The following LIMA1 variants were observed in gnomAD, a reference collection of about 807,000 sequenced individuals.
The protein encoded by LIMA1 is LIM domain and actin-binding protein 1.
LIMA1 carries 52 observed loss-of-function variants against 62.6 expected under a neutral mutation model. The observed-to-expected ratio is 0.83, with a 90% confidence interval of 0.67 to 1.05. LIMA1 has a LOEUF of 1.05. Ranked by LOEUF, LIMA1 falls within the 50% of genes least tolerant of loss-of-function variation. The pLI, the probability that LIMA1 is intolerant of heterozygous loss-of-function variation, is 0.00. For synonymous variants in LIMA1, 302 were observed against 317.8 expected (o/e 0.95, Z 0.53); for missense variants, 780 against 902.2 (o/e 0.86, Z 1.74).
At chr12:50,211,930 G>A (rs1941264781) in intron 4 of LIMA1, among the ~76,000 whole-genome samples, 1 of 151,702 alleles carries the variant, frequency 6.6e-6, no homozygotes, top group Non-Finnish European at 1.5e-5. Flanking sequence ...GAATAGACAA[G>A]ATACTTTTAA....
At chr12:50,265,010 G>A (rs143076770) in intron 1 of LIMA1, among the ~76,000 whole-genome samples, 2,109 of 152,000 alleles carry the variant, frequency 0.014, 45 homozygotes, top group African/African-American at 0.049. Context: ...ATAATTAGCC[G>A]GGTGTGGTGG....
chr12:50,218,442 A>G (rs1211216609), intron 4 of LIMA1: 1 of 152,250 alleles, frequency 6.6e-6, no homozygotes, highest in Non-Finnish European at 1.5e-5. Flanking sequence ...ACATTCTGCA[A>G]GACAGTTCAA....
In LIMA1 at chr12:50,177,183, T is replaced by C. The variant is rs771306940; in HGVS notation, c.2161A>G (p.Thr721Ala). Residue 721 changes from threonine to alanine, a missense_variant, in exon 11 of 11, where the codon ACT (threonine) becomes GCT (alanine). Physicochemically the swap from Thr to Ala is moderately conservative, Grantham distance 58. Transcript: ENST00000341247. ...ACATCCTGGGATTTCTGATTCTGAG[T>C]AGTGAATTCTTCAGCAAAGGTGTTG... ...VDNTFAEEFT[T>A]QNQKSQDVEL... 5 of 1,613,982 alleles carry C rather than the reference T, an allele frequency of 3.1e-6. No individual in the cohort carries two copies. The East Asian group carries it at 6.7e-5, about 22-fold the overall frequency.
At chr12:50,266,797 G>T (rs1187839353) in intron 1 of LIMA1, among the ~76,000 whole-genome samples, 2 of 152,130 alleles carry the variant, frequency 1.3e-5, no homozygotes, top group Non-Finnish European at 2.9e-5. Context: ...CAATCTGATA[G>T]ATGTGTGAAA....
intron 1 of LIMA1, among the ~76,000 whole-genome samples, chr12:50,272,470 T>C (rs1357119130): frequency 6.6e-6 from 1 of 151,348 alleles, no homozygotes; most frequent in African/African-American, 2.4e-5. Context: ...TGCATGCCTG[T>C]AATTCCAGCT....
intron 9 of LIMA1, among the ~76,000 whole-genome samples, chr12:50,185,081 TG>T (rs935225826): frequency 2.0e-5 from 3 of 152,164 alleles, no homozygotes; most frequent in Admixed American, 2.0e-4. Flanking sequence ...CTGCCCACCT[TG>T]GCCTCCCAAA....
intron 2 of LIMA1, among the ~76,000 whole-genome samples, chr12:50,235,603 T>C (rs755963536): frequency 1.3e-5 from 2 of 152,066 alleles, no homozygotes; most frequent in Non-Finnish European, 2.9e-5. Flanking sequence ...AATCAGATAT[T>C]AACAAGCATC....
At chr12:50,210,161 A>C (rs1001145175) in intron 4 of LIMA1, among the ~76,000 whole-genome samples, 5 of 152,048 alleles carry the variant, frequency 3.3e-5, no homozygotes, top group African/African-American at 1.2e-4. Flanking sequence ...AGTGGCTCAC[A>C]CCTGTAATCC....
At chr12:50,230,345 C>A (rs185401440) in intron 3 of LIMA1, among the ~76,000 whole-genome samples, 1 of 151,592 alleles carries the variant, frequency 6.6e-6, no homozygotes, top group South Asian at 2.1e-4. Context: ...CATACTGACA[C>A]AATTTCTTTA....
At chr12:50,276,025 G>A (rs1045027632) in intron 1 of LIMA1, among the ~76,000 whole-genome samples, 9 of 151,978 alleles carry the variant, frequency 5.9e-5, no homozygotes, top group African/African-American at 1.9e-4. Flanking sequence ...ACCACTGCCA[G>A]GTAATTCTAA....
chr12:50,277,338 G>A (rs1267276239), intron 1 of LIMA1, among the ~76,000 whole-genome samples: 3 of 151,614 alleles, frequency 2.0e-5, no homozygotes, highest in African/African-American at 7.3e-5. Flanking sequence ...GGCTCCCCTT[G>A]CTACTCCGGT....
At chr12:50,268,775 A>G (rs1303640209) in intron 1 of LIMA1, among the ~76,000 whole-genome samples, 1 of 152,130 alleles carries the variant, frequency 6.6e-6, no homozygotes, top group African/African-American at 2.4e-5. Context: ...CAGAGGAAGA[A>G]ACTAAGGCTC....
rs78941372 is a variant in LIMA1 at position 50,233,098 on chromosome 12, C to T, written c.120-1388G>A. On this transcript the variant is annotated intron_variant, in intron 2 of 10. Transcript: ENST00000341247. ...CAGACCTCACTTCCTGCAGCTATTCCAGTCATCTGCTCTGATATAACAACA... is the reference window on the plus strand; with the variant it reads ...CAGACCTCACTTCCTGCAGCTATTCTAGTCATCTGCTCTGATATAACAACA... Among the ~76,000 whole-genome samples the T allele has an allele frequency of 1.8e-3, 274 of 152,310 alleles. 2 individuals carry two copies. The highest frequency in any genetic ancestry group is 6.2e-3 in the African/African-American group (256 of 41,556).
chr12:50,206,981 G>A (rs571256253), intron 4 of LIMA1, among the ~76,000 whole-genome samples: 1 of 152,084 alleles, frequency 6.6e-6, no homozygotes, highest in East Asian at 1.9e-4. Flanking sequence ...CTGGAGTATA[G>A]TGATGTGATC....
intron 2 of LIMA1, among the ~76,000 whole-genome samples, chr12:50,236,123 C>T (rs1326421342): frequency 6.6e-6 from 1 of 151,706 alleles, no homozygotes; most frequent in Non-Finnish European, 1.5e-5. Context: ...CGAGATTGCA[C>T]CACTGCACTC....
At chr12:50,193,473 T>G (rs934265646) in intron 8 of LIMA1, among the ~76,000 whole-genome samples, 11 of 138,702 alleles carry the variant, frequency 7.9e-5, no homozygotes, top group African/African-American at 3.0e-4. Context: ...TACAAGAAAT[T>G]TATATATATA....
chr12:50,276,852 TGA>T (rs972714889), intron 1 of LIMA1, among the ~76,000 whole-genome samples: 40 of 151,348 alleles, frequency 2.6e-4, no homozygotes, highest in African/African-American at 7.5e-4. Context: ...CCTGGGTGAC[TGA>T]GTGACACACT....
intron 6 of LIMA1, among the ~76,000 whole-genome samples, chr12:50,202,699 C>T (rs1271973825): frequency 1.3e-5 from 2 of 152,134 alleles, no homozygotes; most frequent in African/African-American, 4.8e-5. Context: ...ATTCATTGCC[C>T]AGAGAATTAG....
chr12:50,272,871 C>A (rs1333110057), intron 1 of LIMA1, among the ~76,000 whole-genome samples: 1 of 151,224 alleles, frequency 6.6e-6, no homozygotes, highest in Non-Finnish European at 1.5e-5. Flanking sequence ...CATGGTGAAA[C>A]CCCTTCTCTA....
Sources: gnomAD v4.1 joint callset for allele counts (sites outside exome capture counted in the v4.1 genomes callset) on GRCh38, gnomAD v4.1.1 for gene constraint, MANE v1.5 for transcripts, NCBI Gene and HGNC (gene_info 2026-07-23, HGNC 2026-07-21) for gene names.